Variants in RP1 observed in about 807,000 individuals in gnomAD.
RP1 encodes oxygen-regulated protein 1.
Under a neutral mutation model 14.8 loss-of-function variants are expected in RP1, and 16 were observed. The ratio of observed to expected loss-of-function variants is 1.08; its 90% confidence interval spans 0.73 to 1.65. RP1 has a LOEUF of 1.65. RP1 is among the 40% of genes most tolerant of loss of function. The pLI, the probability that RP1 is intolerant of heterozygous loss-of-function variation, is 0.00. For missense variants in RP1, 2,631 were observed against 2,535.0 expected, an observed-to-expected ratio of 1.04 and a Z score of -0.81; for synonymous variants, 876 against 883.6, an observed-to-expected ratio of 0.99 and a Z score of 0.15.
At chr8:54,710,696 G>T (rs1355658923) in intron 15 of RP1, among the ~76,000 whole-genome samples, 1 of 152,132 alleles carries the variant, frequency 6.6e-6, no homozygotes. Flanking sequence ...GGAAGGGCAG[G>T]TCACTCTACC....
rs187966502 is a variant in RP1, at chr8:54,727,489, G to A, written c.2521+1013G>A. Among the ~76,000 whole-genome samples the A allele has an allele frequency of 5.9e-5, 9 of 152,134 alleles. No individual in the cohort carries two copies. In the East Asian group the frequency reaches 1.7e-3, roughly 29 times the overall value. On this transcript the variant is annotated intron_variant, in intron 17 of 22. Coordinates refer to the RP1 transcript ENST00000636932. ...TGGGGGATAGATACTTTTTTAATGA[G>A]TGGCAAAATGCTTATGAGAAAACCT...
intron 8 of RP1, among the ~76,000 whole-genome samples, chr8:54,677,178 T>A (rs1199697429): frequency 1.3e-5 from 2 of 151,816 alleles, no homozygotes; most frequent in Non-Finnish European, 1.5e-5. Flanking sequence ...TCCTGCATCC[T>A]GGGAAAACCC....
Position 54,628,129 on chromosome 8 carries a change from C to T in RP1, c.4247C>T (p.Ser1416Phe). 4.3e-6 allele frequency: 7 copies of T among 1,613,938 alleles called. No individual in the cohort carries two copies. Among genetic ancestry groups the T allele is most frequent in the Non-Finnish European group, 5.9e-6 (7 of 1,179,924 alleles). ...KEAELDKKHS[S>F]LDDFENCSLR... ...GCAGAACTTGATAAGAAACATAGTT[C>T]TCTAGATGATTTTGAAAATTGTTCA... Residue 1416 changes from serine to phenylalanine, a missense_variant, in exon 4 of 4, where the codon TCT (serine) becomes TTT (phenylalanine). Transcript: ENST00000220676.
chr8:54,589,913 C>A (rs1805009681), intron 1 of RP1, among the ~76,000 whole-genome samples: 1 of 152,132 alleles, frequency 6.6e-6, no homozygotes, highest in African/African-American at 2.4e-5. Context: ...TAATACAGTT[C>A]CCTAGTAATT....
chr8:54,708,367 T>TC (rs1214811497), intron 15 of RP1, among the ~76,000 whole-genome samples: 2 of 151,412 alleles, frequency 1.3e-5, no homozygotes, highest in Non-Finnish European at 2.9e-5. Context: ...TTTTTTTTTT[T>TC]CTTTTTTGAG....
intron 1 of RP1, among the ~76,000 whole-genome samples, chr8:54,568,036 A>G (rs1804443691): frequency 6.6e-6 from 1 of 152,134 alleles, no homozygotes; most frequent in South Asian, 2.1e-4. Context: ...ACCAGACTCT[A>G]TTTTTCCATT....
chr8:54,765,742 C>T (rs1000787914), intron 22 of RP1, among the ~76,000 whole-genome samples: 1 of 152,268 alleles, frequency 6.6e-6, no homozygotes, highest in African/African-American at 2.4e-5. Context: ...AAAATGTTAT[C>T]CATGCCATGA....
intron 24 of RP1, among the ~76,000 whole-genome samples, chr8:54,835,182 G>A (rs1811628577): frequency 6.6e-6 from 1 of 152,038 alleles, no homozygotes; most frequent in African/African-American, 2.4e-5. Context: ...AAAATTTCTA[G>A]GCATATTACA....
chr8:54,628,168 A>G lies in RP1; in HGVS notation c.4286A>G (p.Gln1429Arg), dbSNP rs769946384. Residue 1429 changes from glutamine (Q) to arginine (R), a missense_variant, in exon 4 of 4, where the codon CAG becomes CGG. Gln to Arg is a conservative substitution (Grantham distance 43). Coordinates refer to ENST00000220676, the MANE Select transcript of RP1 (RefSeq NM_006269.2). ...GAAAATTGTTCACTAAGGAAGTTTC[A>G]GGATGAAAATGCATATACTTCCTTT... ...DFENCSLRKF[Q>R]DENAYTSFDM... 13 of 1,613,910 alleles carry G rather than the reference A, an allele frequency of 8.1e-6. No homozygotes were observed. The highest frequency in any genetic ancestry group is 1.3e-5 in the African/African-American group (1 of 74,952).
At chr8:54,695,293 C>A (rs1416043335) in intron 12 of RP1, among the ~76,000 whole-genome samples, 1 of 151,728 alleles carries the variant, frequency 6.6e-6, no homozygotes, top group African/African-American at 2.4e-5. Context: ...ATTTATTCAA[C>A]AAATATTTAT....
Position 54,625,083 on chromosome 8 carries a change from G to A in RP1, c.1201G>A (p.Glu401Lys). ...VSPMERSSNQ[E>K]GSLAEEINIQ... ...ACCTATGGAGCGAAGCAGTAATCAA[G>A]AGGGCAGTTTGGCAGAGGAGATAAA... is the stretch of plus-strand genomic sequence containing the variant. The change falls in exon 4 of 4, where the codon GAG becomes AAG. Residue 401 changes from glutamate to lysine, a missense_variant. Coordinates refer to ENST00000220676, the MANE Select transcript of RP1 (RefSeq NM_006269.2). 6.2e-7 allele frequency: 1 copy of A among 1,614,194 alleles called. No homozygotes were observed.
chr8:54,799,727 A>G (rs1245980381), intron 24 of RP1, among the ~76,000 whole-genome samples: 1 of 151,960 alleles, frequency 6.6e-6, no homozygotes, highest in Admixed American at 6.6e-5. Flanking sequence ...CCTTCAAATA[A>G]TATGCTACCC....
At chr8:54,745,004 CAT>C (rs1809189545) in intron 19 of RP1, among the ~76,000 whole-genome samples, 1 of 152,142 alleles carries the variant, frequency 6.6e-6, no homozygotes, top group African/African-American at 2.4e-5. Context: ...GATTTGTACT[CAT>C]ATTCAGAAAA....
intron 22 of RP1, among the ~76,000 whole-genome samples, chr8:54,761,310 C>G (rs573156968): frequency 2.1e-5 from 3 of 146,230 alleles, no homozygotes; most frequent in Non-Finnish European, 4.5e-5. Context: ...AATCTCAGCT[C>G]ACTGCAACCT....
chr8:54,611,887 CCCTT>C (rs370167305), upstream of RP1, among the ~76,000 whole-genome samples: 726 of 132,314 alleles, frequency 5.5e-3, 6 homozygotes, highest in African/African-American at 0.015. Flanking sequence ...CTCCCTCTCT[CCCTT>C]CCTTCCTTCC....
At chr8:54,706,907 G>T (rs1193288018) in intron 15 of RP1, among the ~76,000 whole-genome samples, 1 of 152,136 alleles carries the variant, frequency 6.6e-6, no homozygotes, top group Admixed American at 6.5e-5. Flanking sequence ...TTAGGAAGTA[G>T]ATTCTGATTG....
intron 24 of RP1, among the ~76,000 whole-genome samples, chr8:54,792,358 A>G (rs1055051009): frequency 6.6e-6 from 1 of 151,988 alleles, no homozygotes; most frequent in Non-Finnish European, 1.5e-5. Context: ...CTGTAAACCC[A>G]GTGAACCTAA....
At chr8:54,775,777 G>A (rs1008909847) in intron 23 of RP1, among the ~76,000 whole-genome samples, 2 of 152,212 alleles carry the variant, frequency 1.3e-5, no homozygotes, top group Non-Finnish European at 2.9e-5. Context: ...GTAGTGGATA[G>A]GCTCATACAG....
chr8:54,784,538 G>A (rs1164587487), intron 24 of RP1, among the ~76,000 whole-genome samples: 1 of 151,960 alleles, frequency 6.6e-6, no homozygotes, highest in African/African-American at 2.4e-5. Flanking sequence ...TTTAACCTTA[G>A]CTTTCCTCTT....
Sources: allele counts gnomAD v4.1 joint callset (sites outside exome capture counted in the v4.1 genomes callset), GRCh38; gene constraint gnomAD v4.1.1; transcripts MANE v1.5; gene names NCBI Gene and HGNC (gene_info 2026-07-23, HGNC 2026-07-21).